Variants in ALAD observed in about 807,000 individuals in gnomAD.
ALAD encodes aminolevulinate dehydratase, also known as delta-aminolevulinic acid dehydratase.
Under a neutral mutation model 44.4 loss-of-function variants are expected in ALAD, and 20 were observed. The ratio of observed to expected loss-of-function variants is 0.45; its 90% CI spans 0.32 to 0.65. The LOEUF (loss-of-function observed/expected upper bound fraction) is 0.65, where lower values mean the gene tolerates loss of function less well. ALAD is among the 30% of genes least tolerant of loss of function. The probability of loss-of-function intolerance (pLI) is 0.05; values close to 1 mark genes in which losing one functional copy is unlikely to be tolerated. For missense variants in ALAD, 323 were observed against 445.7 expected, an observed-to-expected ratio of 0.72 and a Z score of 2.48; for synonymous variants, 156 against 167.9, an observed-to-expected ratio of 0.93 and a Z score of 0.55.
At position 113,387,858 on chromosome 9, in the gene ALAD, C is replaced by T. The variant is rs1360760831; in HGVS notation, c.*442G>A. Reference sequence around the variant, plus strand: ...AATTTCAACTCTAACCCAGGGATATCGATCTAGGCCTCATTCCCACACCCA... The same window carrying T: ...AATTTCAACTCTAACCCAGGGATATTGATCTAGGCCTCATTCCCACACCCA... On this transcript the variant is annotated 3_prime_UTR_variant, in exon 12 of 12. Coordinates refer to ENST00000409155, the MANE Select transcript of ALAD (RefSeq NM_000031.6). 10 of 232,694 alleles carry T rather than the reference C, an allele frequency of 4.3e-5. No homozygotes were observed. Among genetic ancestry groups the T allele is most frequent in the Admixed American group, 2.5e-4 (5 of 20,236 alleles). 14.4% of individuals were successfully genotyped at this position (232,694 alleles called of 1,614,324 possible).
intron 2 of ALAD, 84 bp from the exon 3 acceptor site, chr9:113,392,253 G>A (rs750652589): frequency 6.2e-7 from 1 of 1,608,282 alleles, no homozygotes; most frequent in Admixed American, 1.7e-5. Flanking sequence ...TGGTTGGGAA[G>A]CAGGAAAGAA....
At position 113,388,067 on chromosome 9, in the gene ALAD, G is replaced by C; in HGVS notation, c.*233C>G. 1.7e-6 allele frequency: 1 copy of C among 580,918 alleles called. No homozygotes were observed. Among genetic ancestry groups the C allele is most frequent in the Non-Finnish European group, 3.1e-6 (1 of 319,140 alleles). The allele number at this position is 580,918 out of a possible 1,614,324, so 36.0% of individuals were successfully genotyped here. On this transcript the variant is annotated 3_prime_UTR_variant, in exon 12 of 12. Coordinates refer to ENST00000409155, the MANE Select transcript of ALAD (RefSeq NM_000031.6). ...TGAGGGTGGCAAAGGTGGGCCTCAC[G>C]GCTGACCCAGGGGAGGGGCGGGGAA... is the stretch of plus-strand genomic sequence containing the variant.
In ALAD at chr9:113,393,511, G is replaced by T; in HGVS notation, c.49C>A (p.Arg17=). 2 of 1,613,996 alleles carry T rather than the reference G, an allele frequency of 1.2e-6. No homozygotes were observed. Among genetic ancestry groups the T allele is most frequent in the Non-Finnish European group, 8.5e-7 (1 of 1,179,996 alleles). The change falls in exon 2 of 12, where the codon CGG becomes AGG. Residue 17 remains arginine (R), a synonymous_variant. Coordinates refer to ENST00000409155, the MANE Select transcript of ALAD (RefSeq NM_000031.6). ...GTGGTGGTGGCTGTCTGCCAGGCCC[G>T]AAGTAGTGGGTGGAAGTAGCCGCTG... is the stretch of plus-strand genomic sequence containing the variant. ...LHSGYFHPLL[R]AWQTATTTLN... is the part of the protein sequence containing the mutation.
In ALAD at chr9:113,386,429, G is replaced by A. The variant is rs1827397084; in HGVS notation, c.*1871C>T. 1 of 152,144 alleles carries A rather than the reference G, an allele frequency of 6.6e-6. No individual in the cohort carries two copies. Among genetic ancestry groups the A allele is most frequent in the African/African-American group, 2.4e-5 (1 of 41,424 alleles). 9.4% of individuals were successfully genotyped at this position (152,144 alleles called of 1,614,324 possible). On this transcript the variant is annotated 3_prime_UTR_variant, in exon 12 of 12. Coordinates refer to ENST00000409155, the MANE Select transcript of ALAD (RefSeq NM_000031.6). ...ATGTAAGTGTTCTGAGCATGTTTAA[G>A]GCAGGCTAGGCTAAGCTATGATGTT...
intron 2 of ALAD, 65 bp from the exon 3 acceptor site, chr9:113,392,234 TGA>T: frequency 6.2e-7 from 1 of 1,611,550 alleles, no homozygotes; most frequent in Non-Finnish European, 8.5e-7. Flanking sequence ...CGGGGGCGAC[TGA>T]GAGGGATGGT....
At chr9:113,400,787 A>C (rs928003509) in intron 1 of ALAD, among the ~76,000 whole-genome samples, 2 of 152,148 alleles carry the variant, frequency 1.3e-5, no homozygotes, top group South Asian at 2.1e-4. Context: ...GCGCCATTGC[A>C]CTCCAGCCTG....
At chr9:113,397,620 CTTTTTTT>C (rs554533853) in intron 1 of ALAD, among the ~76,000 whole-genome samples, 2 of 108,778 alleles carry the variant, frequency 1.8e-5, no homozygotes, top group Admixed American at 1.9e-4. Flanking sequence ...TTTTCCTTTT[CTTTTTTT>C]TTTTTTTTTT....
intron 3 of ALAD, 36 bp downstream of exon 3, chr9:113,392,083 C>T: frequency 3.8e-6 from 6 of 1,564,120 alleles, no homozygotes; most frequent in Middle Eastern, 1.8e-4. Flanking sequence ...TCTCTCCCTC[C>T]ACCACCCGCT....
intron 1 of ALAD, among the ~76,000 whole-genome samples, chr9:113,395,357 T>C (rs1203922102): frequency 6.6e-6 from 1 of 152,182 alleles, no homozygotes. Flanking sequence ...GAGGCTGTCT[T>C]GTCCAGATTG....
At chr9:113,395,346 T>C (rs1827699165) in intron 1 of ALAD, among the ~76,000 whole-genome samples, 1 of 152,164 alleles carries the variant, frequency 6.6e-6, no homozygotes, top group African/African-American at 2.4e-5. Flanking sequence ...CCTCTCCCAC[T>C]GAGGCTGTCT....
intron 11 of ALAD, 87 bp downstream of exon 11, chr9:113,388,890 G>A: frequency 6.3e-7 from 1 of 1,592,920 alleles, no homozygotes; most frequent in Non-Finnish European, 8.6e-7. Flanking sequence ...AAGATCCCAA[G>A]CTCTCAGGAC....
At chr9:113,393,364 G>T in intron 2 of ALAD, 83 bp downstream of exon 2, 2 of 1,324,134 alleles carry the variant, frequency 1.5e-6, no homozygotes, top group Non-Finnish European at 2.2e-6. Flanking sequence ...CAGCCATACT[G>T]ATGCCCGCTC....
Position 113,388,227 on chromosome 9 carries a change from A to C in ALAD, c.*73T>G. 2.0e-6 allele frequency: 3 copies of C among 1,466,980 alleles called. No homozygotes were observed. The highest frequency in any genetic ancestry group is 2.9e-6 in the Non-Finnish European group (3 of 1,045,980). The allele number at this position is 1,466,980 out of a possible 1,614,324, so 90.9% of individuals were successfully genotyped here. A position where few individuals can be genotyped will look rare whatever the true frequency, so the allele number is the denominator to read the frequency against. On this transcript the variant is annotated 3_prime_UTR_variant, in exon 12 of 12. Transcript: ENST00000409155. ...GGGCACAGTTCTAAAAGCAGCATTTACTTTGGTTTTCACTTGTCTGAGGCC... is the reference window on the plus strand; with the variant it reads ...GGGCACAGTTCTAAAAGCAGCATTTCCTTTGGTTTTCACTTGTCTGAGGCC...
chr9:113,388,686 A>G (rs1212420491), intron 11 of ALAD, among the ~76,000 whole-genome samples: 1 of 152,212 alleles, frequency 6.6e-6, no homozygotes, highest in Non-Finnish European at 1.5e-5. Context: ...CCTCAGGACA[A>G]CCACGCACCA....
At chr9:113,395,568 C>T (rs541572142) in intron 1 of ALAD, among the ~76,000 whole-genome samples, 109 of 152,300 alleles carry the variant, frequency 7.2e-4, no homozygotes, top group African/African-American at 2.4e-3. Context: ...GGACACAAGA[C>T]AGAAGGAAGC....
At chr9:113,397,536 A>T (rs1827761222) in intron 1 of ALAD, 2 of 152,056 alleles carry the variant, frequency 1.3e-5, no homozygotes, top group South Asian at 4.1e-4. Flanking sequence ...CCAAACAGAC[A>T]ATTATTCAGT....
At chr9:113,393,969 G>T (rs1207315180) in intron 1 of ALAD, among the ~76,000 whole-genome samples, 2 of 150,026 alleles carry the variant, frequency 1.3e-5, no homozygotes, top group Non-Finnish European at 1.5e-5. Context: ...TTCACACAGG[G>T]TCTCTGTCGC....
chr9:113,399,821 C>T (rs1003184404), intron 1 of ALAD, among the ~76,000 whole-genome samples: 3 of 152,154 alleles, frequency 2.0e-5, no homozygotes, highest in African/African-American at 4.8e-5. Flanking sequence ...CAGGCTCTGC[C>T]ACTGGCCAGG....
In ALAD at chr9:113,393,603, A is replaced by AGGGCTC; in HGVS notation, c.-50_-45dup. On this transcript the variant is annotated 5_prime_UTR_variant, in exon 2 of 12. Transcript: ENST00000409155. ...CAGGGGCATCAGTTGGTTGGAACCGAGGGCTCCTGGGGCATTGGCTGCAGG... is the reference window on the plus strand; with the variant it reads ...CAGGGGCATCAGTTGGTTGGAACCGAGGGCTCGGGCTCCTGGGGCATTGGCTGCAGG... The AGGGCTC allele has an allele frequency of 6.5e-7, 1 of 1,538,862 alleles. No homozygotes were observed. Among genetic ancestry groups the AGGGCTC allele is most frequent in the Non-Finnish European group, 9.0e-7 (1 of 1,113,482 alleles).
Sources: gnomAD v4.1 joint callset for allele counts (sites outside exome capture counted in the v4.1 genomes callset) on GRCh38, gnomAD v4.1.1 for gene constraint, MANE v1.5 for transcripts, NCBI Gene and HGNC (gene_info 2026-07-23, HGNC 2026-07-21) for gene names.